Variants in CFAP70 observed in about 807,000 individuals in gnomAD.
CFAP70 encodes cilia- and flagella-associated protein 70.
Under a neutral mutation model 137.6 loss-of-function variants are expected in CFAP70, and 81 were observed. That is an observed-to-expected ratio of 0.59 (90% CI 0.49 to 0.71). The LOEUF (loss-of-function observed/expected upper bound fraction) is 0.71. CFAP70 is among the 30% of genes least tolerant of loss of function. The probability of loss-of-function intolerance (pLI) is 0.00; values close to 1 mark genes in which losing one functional copy is unlikely to be tolerated. For missense variants in CFAP70, 976 were observed against 1,226.7 expected (o/e 0.80, Z 3.05); for synonymous variants, 382 against 423.6 (o/e 0.90, Z 1.20).
chr10:73,353,125 A>C (rs966628954), intron 3 of CFAP70, among the ~76,000 whole-genome samples: 1 of 152,186 alleles, frequency 6.6e-6, no homozygotes, highest in African/African-American at 2.4e-5. Flanking sequence ...CAAGCCTATG[A>C]TTATTCCTAG....
intron 2 of CFAP70, among the ~76,000 whole-genome samples, chr10:73,354,407 C>A (rs909073758): frequency 6.6e-6 from 1 of 151,812 alleles, no homozygotes; most frequent in Non-Finnish European, 1.5e-5. Context: ...TTTAATTAAT[C>A]AAATAGAATT....
chr10:73,277,083 T>C (rs2046811998), intron 21 of CFAP70, 157 bp downstream of exon 22: 3 of 878,174 alleles, frequency 3.4e-6, no homozygotes, highest in South Asian at 4.4e-5. Flanking sequence ...GAGTGGTTCA[T>C]GTTTGGATGT....
At chr10:73,289,003 C>G (rs143651983) in intron 19 of CFAP70, among the ~76,000 whole-genome samples, 13 of 152,320 alleles carry the variant, frequency 8.5e-5, no homozygotes, top group Non-Finnish European at 1.6e-4. Context: ...CATAAGGTGT[C>G]ACCTTACATT....
chr10:73,348,515 A>G (rs2053918920), exon 4 of CFAP70: 1 of 1,513,084 alleles, frequency 6.6e-7, no homozygotes, highest in African/African-American at 1.4e-5. Context: ...AACTTCAGTC[A>G]CAGTTACTAG....
chr10:73,329,701 T>A (rs953550479), intron 8 of CFAP70, among the ~76,000 whole-genome samples: 1 of 152,156 alleles, frequency 6.6e-6, no homozygotes, highest in Non-Finnish European at 1.5e-5. Context: ...AAGCTATGGC[T>A]TTTACCTTTA....
chr10:73,303,178 T>C (rs2049098362), intron 12 of CFAP70, among the ~76,000 whole-genome samples: 1 of 152,028 alleles, frequency 6.6e-6, no homozygotes, highest in Non-Finnish European at 1.5e-5. Context: ...ATTACAGGTG[T>C]GAACCACCAT....
chr10:73,265,860 T>C (rs939555628), intron 25 of CFAP70, among the ~76,000 whole-genome samples: 1 of 150,548 alleles, frequency 6.6e-6, no homozygotes, highest in Non-Finnish European at 1.5e-5. Flanking sequence ...CTTTCTTTCA[T>C]ACTGTCATAG....
intron 15 of CFAP70, chr10:73,294,342 A>C (rs2048380824): frequency 6.6e-6 from 1 of 152,218 alleles, no homozygotes; most frequent in African/African-American, 2.4e-5. Flanking sequence ...CACTTCCCAG[A>C]TGGATCAGTC....
intron 25 of CFAP70, among the ~76,000 whole-genome samples, chr10:73,258,240 A>G (rs1479788417): frequency 1.3e-5 from 2 of 152,238 alleles, no homozygotes; most frequent in Non-Finnish European, 1.5e-5. Flanking sequence ...GGCTGAAGCC[A>G]TGGCAGAAGA....
At chr10:73,266,806 G>T (rs2045817847) in intron 25 of CFAP70, among the ~76,000 whole-genome samples, 1 of 152,072 alleles carries the variant, frequency 6.6e-6, no homozygotes, top group Non-Finnish European at 1.5e-5. Context: ...CAAGAGGTTT[G>T]TCTGTTCACT....
chr10:73,286,714 A>T (rs1277543319), intron 19 of CFAP70, among the ~76,000 whole-genome samples: 5 of 152,172 alleles, frequency 3.3e-5, no homozygotes, highest in African/African-American at 1.2e-4. Flanking sequence ...AGAAATATAG[A>T]GTGTGGAGTG....
intron 9 of CFAP70, among the ~76,000 whole-genome samples, chr10:73,319,608 G>C (rs901732070): frequency 6.6e-6 from 1 of 152,162 alleles, no homozygotes; most frequent in Non-Finnish European, 1.5e-5. Context: ...CAAGCCATCA[G>C]GGAGGTCAGG....
At chr10:73,289,186 G>A (rs1231631698) in intron 19 of CFAP70, among the ~76,000 whole-genome samples, 1 of 152,080 alleles carries the variant, frequency 6.6e-6, no homozygotes, top group Admixed American at 6.5e-5. Flanking sequence ...ATTACATAAA[G>A]ATGATGAACA....
Position 73,295,570 on chromosome 10 carries a change from A to ATAACT in CFAP70, c.1644+1467_1644+1471dup, listed in dbSNP as rs369061969. On this transcript the variant is annotated intron_variant, in intron 15 of 26. Transcript: ENST00000310715. Reference sequence around the variant, plus strand: ...TAATATTGCTATGTAAAGGTTAACAATAACTTCCTTATTGTCAAATCCAGT... The same window carrying ATAACT: ...TAATATTGCTATGTAAAGGTTAACAATAACTTAACTTCCTTATTGTCAAATCCAGT... 288 of 152,328 alleles carry ATAACT rather than the reference A, an allele frequency of 1.9e-3. 2 individuals are homozygous for ATAACT. The highest frequency in any genetic ancestry group is 6.5e-3 in the African/African-American group (272 of 41,562). The allele number at this position is 152,328 out of a possible 1,614,324, so 9.4% of individuals were successfully genotyped here. A position where few individuals can be genotyped will look rare whatever the true frequency, so the allele number is the denominator to read the frequency against.
intron 24 of CFAP70, among the ~76,000 whole-genome samples, chr10:73,271,665 C>T (rs1483307350): frequency 6.6e-6 from 1 of 152,096 alleles, no homozygotes; most frequent in Non-Finnish European, 1.5e-5. Context: ...GTTACGGATA[C>T]TTTAATGTTT....
intron 25 of CFAP70, among the ~76,000 whole-genome samples, chr10:73,259,452 C>T (rs919562046): frequency 3.3e-5 from 5 of 152,046 alleles, no homozygotes; most frequent in African/African-American, 9.7e-5. Context: ...GTTCCCCATG[C>T]CCCTCCCCCT....
chr10:73,354,590 G>C, intron 2 of CFAP70, 144 bp downstream of exon 2: 1 of 685,204 alleles, frequency 1.5e-6, no homozygotes, highest in Non-Finnish European at 2.6e-6. Context: ...TGGAGATTAA[G>C]ACTAACAATA....
intron 23 of CFAP70, among the ~76,000 whole-genome samples, 177 bp downstream of exon 24, chr10:73,274,256 G>C (rs2046530276): frequency 6.6e-6 from 1 of 152,238 alleles, no homozygotes; most frequent in African/African-American, 2.4e-5. Context: ...GCCTGCCTGA[G>C]TTTGAATGCT....
intron 24 of CFAP70, among the ~76,000 whole-genome samples, chr10:73,271,530 T>C (rs1431843865): frequency 6.6e-6 from 1 of 151,868 alleles, no homozygotes; most frequent in Non-Finnish European, 1.5e-5. Context: ...TACTGTTAAG[T>C]CGAAAAAAGG....
Sources: gnomAD v4.1 joint callset for allele counts (sites outside exome capture counted in the v4.1 genomes callset) on GRCh38, gnomAD v4.1.1 for gene constraint, MANE v1.5 for transcripts, NCBI Gene and HGNC (gene_info 2026-07-23, HGNC 2026-07-21) for gene names.